Variants in RPS6KA2 observed in about 807,000 individuals in gnomAD.
The protein encoded by RPS6KA2 is ribosomal protein S6 kinase A2, also known as ribosomal protein S6 kinase alpha-2.
RPS6KA2 carries 42 observed loss-of-function variants against 91.8 expected under a neutral mutation model. That is an observed-to-expected ratio of 0.46 (90% CI 0.36 to 0.59). RPS6KA2 has a LOEUF of 0.59. Ranked by LOEUF, RPS6KA2 falls within the 20% of genes least tolerant of loss-of-function variation. The probability of loss-of-function intolerance (pLI) is 0.00; values close to 1 mark genes in which losing one functional copy is unlikely to be tolerated. For synonymous variants in RPS6KA2, 414 were observed against 393.6 expected (o/e 1.05, Z -0.61); for missense variants, 798 against 978.5 (o/e 0.82, Z 2.46).
chr6:166,430,723 G>T, intron 15 of RPS6KA2, 112 bp from the exon 16 acceptor site: 1 of 1,098,628 alleles, frequency 9.1e-7, no homozygotes, highest in Non-Finnish European at 1.3e-6. Flanking sequence ...GGGACCACAG[G>T]GTCCTATGGG....
At chr6:166,745,443 C>T (rs1258349644) in intron 2 of RPS6KA2, among the ~76,000 whole-genome samples, 5 of 152,166 alleles carry the variant, frequency 3.3e-5, no homozygotes, top group Admixed American at 6.5e-5. Flanking sequence ...TGAGCCACTG[C>T]ACCCGGCCCT....
rs1307509508 is a variant in RPS6KA2, at chr6:166,508,077, A to ACC, written c.459+124_459+125dup. 3 of 615,032 alleles carry ACC rather than the reference A, an allele frequency of 4.9e-6. No individual in the cohort carries two copies. Among genetic ancestry groups the ACC allele is most frequent in the South Asian group, 3.8e-5 (2 of 52,052 alleles). 38.1% of individuals were successfully genotyped at this position (615,032 alleles called of 1,614,324 possible). A position where few individuals can be genotyped will look rare whatever the true frequency, so the allele number is the denominator to read the frequency against. ...CTTGCACACACTCACACATGCACAC[A>ACC]CCCCCACACACACACACGCACTCTC... On this transcript the variant is annotated intron_variant, in intron 5 of 20. Transcript: ENST00000265678. The surrounding 1 kb of genome is among the most constrained non-coding windows in gnomAD (Gnocchi z 4.3).
At chr6:166,576,370 G>A (rs527930241) in intron 1 of RPS6KA2, among the ~76,000 whole-genome samples, 1 of 152,340 alleles carries the variant, frequency 6.6e-6, no homozygotes, top group South Asian at 2.1e-4. Context: ...GGGCTCAGAA[G>A]AAGACAGGAA....
intron 10 of RPS6KA2, among the ~76,000 whole-genome samples, chr6:166,479,162 G>A (rs924893558): frequency 7.9e-5 from 12 of 152,202 alleles, no homozygotes; most frequent in Admixed American, 2.0e-4. Flanking sequence ...GCATTTGTGC[G>A]CGTCTGGGCT....
chr6:166,583,040 C>T (rs115975056), intron 1 of RPS6KA2, among the ~76,000 whole-genome samples: 216 of 152,304 alleles, frequency 1.4e-3, no homozygotes, highest in African/African-American at 5.0e-3. Context: ...TCATAATTCA[C>T]TTGGGATAAA....
chr6:166,751,989 A>G (rs1307450346), intron 2 of RPS6KA2, among the ~76,000 whole-genome samples: 1 of 152,182 alleles, frequency 6.6e-6, no homozygotes, highest in Non-Finnish European at 1.5e-5. Flanking sequence ...CCTTGGAGAA[A>G]GGGGCCCCAG....
At chr6:166,829,422 TCTA>T (rs565507845) in intron 2 of RPS6KA2, among the ~76,000 whole-genome samples, 1,937 of 151,976 alleles carry the variant, frequency 0.013, 29 homozygotes, top group Non-Finnish European at 0.015. Flanking sequence ...AAACCCCGTC[TCTA>T]CTAAATATAC....
intron 2 of RPS6KA2, among the ~76,000 whole-genome samples, chr6:166,805,142 T>C (rs977451203): frequency 3.9e-5 from 6 of 152,250 alleles, no homozygotes; most frequent in Non-Finnish European, 8.8e-5. Context: ...TGATAAATTA[T>C]GGTTACATTT....
intron 2 of RPS6KA2, among the ~76,000 whole-genome samples, chr6:166,724,330 A>G (rs1329027711): frequency 2.6e-5 from 4 of 152,250 alleles, no homozygotes; most frequent in Non-Finnish European, 4.4e-5. Flanking sequence ...ATGGAGGTCC[A>G]CGGCAGCTAG....
At chr6:166,602,280 T>C (rs1344017566) in intron 1 of RPS6KA2, among the ~76,000 whole-genome samples, 1 of 152,178 alleles carries the variant, frequency 6.6e-6, no homozygotes, top group Non-Finnish European at 1.5e-5. Flanking sequence ...TACGACGACT[T>C]TGGAGGAAAT....
intron 1 of RPS6KA2, among the ~76,000 whole-genome samples, chr6:166,601,491 G>C (rs1785727132): frequency 6.6e-6 from 1 of 152,234 alleles, no homozygotes; most frequent in African/African-American, 2.4e-5. Context: ...AGGTAGGAGA[G>C]ACTTGCTGTA....
rs1781976102 is a variant in RPS6KA2 at position 166,500,223 on chromosome 6, G to C, written c.604+664C>G. ...CTGGGAGACTTATTTCACACTTGGG[G>C]CCTCCTGACCTGTCAGGTGATAAGT... On this transcript the variant is annotated intron_variant, in intron 7 of 20. Coordinates refer to ENST00000265678, the MANE Select transcript of RPS6KA2 (RefSeq NM_021135.6). This position sits in a 1 kb window ranked among gnomAD's most constrained non-coding sequence, Gnocchi z 4.3. Among the ~76,000 whole-genome samples the C allele has an allele frequency of 6.6e-6, 1 of 152,242 alleles. No individual in the cohort carries two copies. Among genetic ancestry groups the C allele is most frequent in the South Asian group, 2.1e-4 (1 of 4,834 alleles).
chr6:166,703,820 T>C (rs1375689776), intron 2 of RPS6KA2, among the ~76,000 whole-genome samples: 1 of 152,128 alleles, frequency 6.6e-6, no homozygotes, highest in Non-Finnish European at 1.5e-5. Flanking sequence ...TATATGTACC[T>C]TTCCACTTTA....
intron 1 of RPS6KA2, chr6:166,586,092 G>A (rs1583302764): frequency 7.4e-6 from 9 of 1,222,842 alleles, no homozygotes; most frequent in Middle Eastern, 2.5e-4. Context: ...CAGAGTAAAT[G>A]CTTTTACTAA....
At chr6:166,850,538 A>G (rs1030522816) in intron 2 of RPS6KA2, among the ~76,000 whole-genome samples, 2 of 152,188 alleles carry the variant, frequency 1.3e-5, no homozygotes, top group Non-Finnish European at 2.9e-5. Context: ...ATAAAGAAAT[A>G]ATGCTTGTCT....
chr6:166,600,675 T>C (rs1373021784), intron 1 of RPS6KA2, among the ~76,000 whole-genome samples: 7 of 152,214 alleles, frequency 4.6e-5, no homozygotes, highest in Non-Finnish European at 1.0e-4. Context: ...TCTTTTAACA[T>C]ACAAGTTGTT....
chr6:166,413,672 T>C lies in RPS6KA2; in HGVS notation c.2076+122A>G, dbSNP rs73267287. 7.2e-3 allele frequency: 7,335 copies of C among 1,016,678 alleles called. 339 individuals are homozygous for C. The African/African-American group carries it at 0.1, about 14-fold the overall frequency. The allele number at this position is 1,016,678 out of a possible 1,614,324, so 63.0% of individuals were successfully genotyped here. On this transcript the variant is annotated intron_variant, in intron 20 of 20. Coordinates refer to ENST00000265678, the MANE Select transcript of RPS6KA2 (RefSeq NM_021135.6). ...AAGGTAGGTGGGCCGGCGGTGCAGT[T>C]TGGGGCTGCTATGGGCTCTTTCTCT... is the stretch of plus-strand genomic sequence containing the variant.
At chr6:166,528,306 C>A (rs906985727) in intron 3 of RPS6KA2, among the ~76,000 whole-genome samples, 16 of 152,072 alleles carry the variant, frequency 1.1e-4, no homozygotes, top group African/African-American at 3.6e-4. Flanking sequence ...CTGACAAAAA[C>A]AAGAAATGGG....
At chr6:166,547,786 T>C (rs900806739) in intron 1 of RPS6KA2, among the ~76,000 whole-genome samples, 2 of 152,238 alleles carry the variant, frequency 1.3e-5, no homozygotes, top group African/African-American at 4.8e-5. Context: ...GTCCGTGTTT[T>C]AGAAAAAGAA....
Sources: gnomAD v4.1 joint callset for allele counts (sites outside exome capture counted in the v4.1 genomes callset) on GRCh38, gnomAD v4.1.1 for gene constraint, Gnocchi (gnomAD v3.1) non-coding constraint, MANE v1.5 for transcripts, NCBI Gene and HGNC (gene_info 2026-07-23, HGNC 2026-07-21) for gene names.